CDH10: variants seen among roughly 807,000 people sequenced by gnomAD.
CDH10 encodes cadherin-10.
A neutral mutation model predicts 73.1 loss-of-function variants in CDH10; 30 were observed. The observed-to-expected ratio is 0.41, with a 90% CI of 0.31 to 0.56. CDH10 has a LOEUF of 0.56. CDH10 is among the 20% of genes least tolerant of loss of function. The pLI, the probability that CDH10 is intolerant of heterozygous loss-of-function variation, is 0.27. For synonymous variants in CDH10, 345 were observed against 348.2 expected (o/e 0.99, Z 0.10); for missense variants, 815 against 973.7 (o/e 0.84, Z 2.17).
rs760902420 is a variant in CDH10, at chr5:24,509,694, T to C, written c.1128A>G (p.Glu376=). 1.2e-6 allele frequency: 2 copies of C among 1,613,636 alleles called. No individual in the cohort carries two copies. The highest frequency in any genetic ancestry group is 2.7e-5 in the African/African-American group (2 of 74,906). ...TAAAAACAGGAGGTTCATCCACATC[T>C]TCTATAGAGATTTTCACTATGGTAG... is the stretch of plus-strand genomic sequence containing the variant. ...KDTTIVKISI[E]DVDEPPVFSR... The change falls in exon 7 of 12, where the codon GAA becomes GAG. Residue 376 remains glutamate (E), a synonymous_variant. Coordinates refer to ENST00000264463, the MANE Select transcript of CDH10 (RefSeq NM_006727.5).
chr5:24,628,581 C>A (rs1747588071), intron 1 of CDH10, among the ~76,000 whole-genome samples: 1 of 152,056 alleles, frequency 6.6e-6, no homozygotes, highest in Non-Finnish European at 1.5e-5. Context: ...ATGACAAGAA[C>A]AGAGGTTGAT....
chr5:24,500,949 C>G (rs1183115539), intron 8 of CDH10, among the ~76,000 whole-genome samples: 1 of 152,080 alleles, frequency 6.6e-6, no homozygotes, highest in Non-Finnish European at 1.5e-5. Flanking sequence ...AAAATGCTAT[C>G]TCATTATTTT....
intron 8 of CDH10, among the ~76,000 whole-genome samples, chr5:24,503,231 G>A (rs1413842486): frequency 2.6e-5 from 4 of 152,144 alleles, no homozygotes; most frequent in African/African-American, 9.7e-5. Flanking sequence ...CTTGATACGT[G>A]TTTGTGGATT....
At chr5:24,547,989 A>G (rs763143507) in intron 2 of CDH10, among the ~76,000 whole-genome samples, 5 of 152,218 alleles carry the variant, frequency 3.3e-5, no homozygotes, top group Non-Finnish European at 7.3e-5. Context: ...AAATTGGGTC[A>G]TGCAATTGTC....
intron 2 of CDH10, among the ~76,000 whole-genome samples, chr5:24,572,220 T>A (rs533683970): frequency 1.3e-5 from 2 of 152,204 alleles, no homozygotes; most frequent in African/African-American, 4.8e-5. Flanking sequence ...AGAAGTGAAG[T>A]CCGCCATCTT....
At chr5:24,522,530 G>A (rs539853134) in intron 5 of CDH10, among the ~76,000 whole-genome samples, 1 of 151,900 alleles carries the variant, frequency 6.6e-6, no homozygotes, top group Admixed American at 6.6e-5. Context: ...AAAAGTCTGG[G>A]ATGACAGGCG....
At chr5:24,556,710 G>T (rs991798848) in intron 2 of CDH10, among the ~76,000 whole-genome samples, 26 of 151,026 alleles carry the variant, frequency 1.7e-4, no homozygotes, top group African/African-American at 6.1e-4. Context: ...AATGACTAGA[G>T]AATTATAAGA....
chr5:24,570,960 A>G (rs759095773), intron 2 of CDH10, among the ~76,000 whole-genome samples: 3 of 152,058 alleles, frequency 2.0e-5, no homozygotes, highest in African/African-American at 7.2e-5. Flanking sequence ...CTGGCTTATT[A>G]CCTATTTTAA....
At chr5:24,564,904 C>T (rs913066431) in intron 2 of CDH10, among the ~76,000 whole-genome samples, 1 of 152,096 alleles carries the variant, frequency 6.6e-6, no homozygotes, top group African/African-American at 2.4e-5. Context: ...CCTGCTCATT[C>T]TGCTCTCATC....
intron 2 of CDH10, among the ~76,000 whole-genome samples, chr5:24,546,335 A>C (rs1335906772): frequency 6.6e-6 from 1 of 152,142 alleles, no homozygotes; most frequent in Non-Finnish European, 1.5e-5. Context: ...TCCCCAATAA[A>C]AAAGAATTAA....
intron 5 of CDH10, among the ~76,000 whole-genome samples, chr5:24,530,807 C>T (rs1487887379): frequency 3.9e-5 from 6 of 152,044 alleles, no homozygotes; most frequent in Non-Finnish European, 7.4e-5. Flanking sequence ...TCCCTACCTT[C>T]TAAGCCATGA....
intron 2 of CDH10, among the ~76,000 whole-genome samples, chr5:24,575,780 A>G (rs546852944): frequency 6.6e-6 from 1 of 152,116 alleles, no homozygotes; most frequent in African/African-American, 2.4e-5. Flanking sequence ...TTTATATTTA[A>G]ATACCTGTGC....
chr5:24,641,125 C>G (rs189163162), intron 1 of CDH10, among the ~76,000 whole-genome samples: 204 of 151,850 alleles, frequency 1.3e-3, no homozygotes, highest in Non-Finnish European at 2.2e-3. Context: ...ATGGGAAAAG[C>G]AAAATGGACT....
intron 1 of CDH10, among the ~76,000 whole-genome samples, chr5:24,593,881 G>A (rs1373751390): frequency 6.6e-6 from 1 of 151,644 alleles, no homozygotes; most frequent in African/African-American, 2.4e-5. Flanking sequence ...CACTTTAACA[G>A]TTTTTAGTAA....
chr5:24,628,635 A>G (rs1747589704), intron 1 of CDH10, among the ~76,000 whole-genome samples: 1 of 152,092 alleles, frequency 6.6e-6, no homozygotes, highest in Non-Finnish European at 1.5e-5. Flanking sequence ...TTTAAGTGAA[A>G]TTTTTAAATA....
chr5:24,540,278 T>G (rs1744103126), intron 2 of CDH10, among the ~76,000 whole-genome samples: 1 of 151,936 alleles, frequency 6.6e-6, no homozygotes, highest in Non-Finnish European at 1.5e-5. Flanking sequence ...GAACACTGCA[T>G]AAATATAGAA....
intron 1 of CDH10, among the ~76,000 whole-genome samples, chr5:24,636,559 C>T (rs1303356517): frequency 6.6e-6 from 1 of 151,862 alleles, no homozygotes. Flanking sequence ...ATTTTCATTA[C>T]TTTAGGAATA....
At position 24,537,559 on chromosome 5, in the gene CDH10, C is replaced by T. The variant is rs754465931; in HGVS notation, c.347G>A (p.Arg116Gln). 3.1e-6 allele frequency: 5 copies of T among 1,612,896 alleles called. No individual in the cohort carries two copies. Among genetic ancestry groups the T allele is most frequent in the East Asian group, 4.5e-5 (2 of 44,836 alleles). The change falls in exon 3 of 12, where the codon CGA becomes CAA. Residue 116 changes from arginine to glutamine, a missense_variant. Physicochemically the swap from Arg to Gln is conservative, Grantham distance 43 (BLOSUM62 1). Transcript: ENST00000264463. Reference sequence around the variant, plus strand: ...AAAGGCCTTTTCCTCCCTATCAATTCGCCTTGTGGCATGAATATCACCTGT... The same window carrying T: ...AAAGGCCTTTTCCTCCCTATCAATTTGCCTTGTGGCATGAATATCACCTGT... Reference protein sequence around the residue: ...EKTGDIHATRRIDREEKAFYT... With the variant: ...EKTGDIHATRQIDREEKAFYT...
At chr5:24,557,608 G>A (rs1336924975) in intron 2 of CDH10, among the ~76,000 whole-genome samples, 1 of 151,590 alleles carries the variant, frequency 6.6e-6, no homozygotes. Context: ...CTTGTCAAAG[G>A]AAAAGAAAAT....
Sources: allele counts gnomAD v4.1 joint callset (sites outside exome capture counted in the v4.1 genomes callset), GRCh38; gene constraint gnomAD v4.1.1; transcripts MANE v1.5; gene names NCBI Gene and HGNC (gene_info 2026-07-23, HGNC 2026-07-21).